NCAPG2: variants seen among roughly 807,000 people sequenced by gnomAD.
The protein encoded by NCAPG2 is condensin-2 complex subunit G2.
A neutral mutation model predicts 141.1 loss-of-function variants in NCAPG2; 53 were observed. The ratio of observed to expected loss-of-function variants is 0.38; its 90% CI spans 0.30 to 0.47. NCAPG2 has a LOEUF of 0.47. NCAPG2 is among the 20% of genes least tolerant of loss of function. The pLI, the probability that NCAPG2 is intolerant of heterozygous loss-of-function variation, is 0.99. For synonymous variants in NCAPG2, 499 were observed against 490.7 expected, an observed-to-expected ratio of 1.02 and a Z score of -0.22; for missense variants, 1,087 against 1,389.0, an observed-to-expected ratio of 0.78 and a Z score of 3.46.
intron 13 of NCAPG2, among the ~76,000 whole-genome samples, chr7:158,670,360 G>C (rs910680800): frequency 1.3e-5 from 2 of 152,188 alleles, no homozygotes; most frequent in Admixed American, 1.3e-4. Flanking sequence ...GAGCCCAGGA[G>C]TTTGAGACCA....
At position 158,690,622 on chromosome 7, in the gene NCAPG2, G is replaced by C; in HGVS notation, c.483C>G (p.Asp161Glu). The change falls in exon 5 of 28, where the codon GAC becomes GAG. Residue 161 changes from aspartate (D) to glutamate (E), a missense_variant. By Grantham distance (45) the Asp-to-Glu change is conservative. Coordinates refer to ENST00000356309, the MANE Select transcript of NCAPG2 (RefSeq NM_017760.7). ...WWEKGLPAKE[D>E]TGKTAFVMLL... ...ACATGACAAAGGCTGTCTTTCCTGTGTCTTCCTTGGCAGGCAGGCCTTTCT... is the reference window on the plus strand; with the variant it reads ...ACATGACAAAGGCTGTCTTTCCTGTCTCTTCCTTGGCAGGCAGGCCTTTCT... 6.2e-7 allele frequency: 1 copy of C among 1,614,132 alleles called. No individual in the cohort carries two copies. Among genetic ancestry groups the C allele is most frequent in the Non-Finnish European group, 8.5e-7 (1 of 1,179,992 alleles).
chr7:158,671,818 G>T, intron 12 of NCAPG2, 152 bp from the exon 13 acceptor site: 1 of 866,340 alleles, frequency 1.2e-6, no homozygotes, highest in Non-Finnish European at 1.7e-6. Context: ...ACTTTTTCTA[G>T]AACTATTTCA....
At chr7:158,639,755 G>T in intron 27 of NCAPG2, 1 of 710,936 alleles carries the variant, frequency 1.4e-6, no homozygotes, top group Non-Finnish European at 1.7e-6. Context: ...GAGCAAAACT[G>T]GTAGAGGTCC....
chr7:158,674,465 C>CT (rs930427885), intron 12 of NCAPG2, among the ~76,000 whole-genome samples: 7 of 151,872 alleles, frequency 4.6e-5, no homozygotes, highest in African/African-American at 1.7e-4. Flanking sequence ...TTTTTTTGTA[C>CT]TTTTTGTAGA....
At position 158,633,022 on chromosome 7, in the gene NCAPG2, T is replaced by A. The variant is rs1829983885; in HGVS notation, c.3381-1305A>T. 6.6e-6 allele frequency among the ~76,000 whole-genome samples: 1 copy of A among 152,230 alleles called. No individual in the cohort carries two copies. The highest frequency in any genetic ancestry group is 2.4e-5 in the African/African-American group (1 of 41,462). ...GAAAAATTTTAAGATTTTCTCTTTATTCCTGGAATTTAGGAATCTTATCCA... is the reference window on the plus strand; with the variant it reads ...GAAAAATTTTAAGATTTTCTCTTTAATCCTGGAATTTAGGAATCTTATCCA... On this transcript the variant is annotated intron_variant, in intron 27 of 27. Coordinates refer to ENST00000356309, the MANE Select transcript of NCAPG2 (RefSeq NM_017760.7). This position sits in a 1 kb window ranked among gnomAD's most constrained non-coding sequence, Gnocchi z 4.1.
intron 2 of NCAPG2, among the ~76,000 whole-genome samples, chr7:158,697,024 G>A (rs1385818195): frequency 1.3e-5 from 2 of 152,232 alleles, no homozygotes; most frequent in Non-Finnish European, 2.9e-5. Flanking sequence ...GGTAATGTTG[G>A]TGTAAACAAA....
In NCAPG2 at chr7:158,656,312, G is replaced by C. The variant is rs765364216; in HGVS notation, c.2336C>G (p.Ser779Cys). 19 of 1,614,084 alleles carry C rather than the reference G, an allele frequency of 1.2e-5. No individual in the cohort carries two copies. Among genetic ancestry groups the C allele is most frequent in the Non-Finnish European group, 1.6e-5 (19 of 1,180,044 alleles). The change falls in exon 19 of 28, where the codon TCT becomes TGT. Residue 779 changes from serine (S) to cysteine (C), a missense_variant. Transcript: ENST00000356309. ...ATGGTTAAGTTTCTTCCGAGGAGCAGAGAGCAAGCACTCGCGGTTCTTTGG... is the reference window on the plus strand; with the variant it reads ...ATGGTTAAGTTTCTTCCGAGGAGCACAGAGCAAGCACTCGCGGTTCTTTGG... ...THPKNRECLL[S>C]APRKKLNHLL...
At chr7:158,660,384 G>T (rs1296747639) in intron 16 of NCAPG2, among the ~76,000 whole-genome samples, 2 of 136,064 alleles carry the variant, frequency 1.5e-5, no homozygotes, top group African/African-American at 5.7e-5. Context: ...TCAGTCCCAG[G>T]TCATTATTTC....
At chr7:158,656,842 T>G (rs912233071) in intron 17 of NCAPG2, 137 bp from the exon 18 acceptor site, 95 of 1,015,596 alleles carry the variant, frequency 9.4e-5, no homozygotes, top group South Asian at 4.1e-4. Context: ...TTCCATGCTC[T>G]CCAATGCAGG....
rs986034189 is a variant in NCAPG2, at chr7:158,664,566, T to C, written c.1664A>G (p.Tyr555Cys). 7 of 1,614,164 alleles carry C rather than the reference T, an allele frequency of 4.3e-6. No homozygotes were observed. The highest frequency in any genetic ancestry group is 5.1e-6 in the Non-Finnish European group (6 of 1,180,032). Residue 555 changes from tyrosine to cysteine, a missense_variant, in exon 14 of 28, where the codon TAT becomes TGT. By Grantham distance (194) the Tyr-to-Cys change is radical (BLOSUM62 -2). Transcript: ENST00000356309. Reference protein sequence around the residue: ...QMNHAAARRFYQYAHEHTACT... With the variant: ...QMNHAAARRFCQYAHEHTACT... ...GGCGGTGTGTTCGTGGGCGTACTGA[T>C]AGAACCTCCTGGCAGCGGCGTGGTT... is the stretch of plus-strand genomic sequence containing the variant.
intron 2 of NCAPG2, among the ~76,000 whole-genome samples, chr7:158,699,778 C>T (rs1381358453): frequency 6.6e-6 from 1 of 152,138 alleles, no homozygotes; most frequent in Non-Finnish European, 1.5e-5. Flanking sequence ...AGGTAAAGTG[C>T]CATGCTTACT....
chr7:158,656,120 C>A (rs1831953389), intron 19 of NCAPG2, 140 bp downstream of exon 19: 6 of 1,138,492 alleles, frequency 5.3e-6, no homozygotes, highest in South Asian at 1.6e-5. Context: ...CTTGTACCAA[C>A]TGAATGAGGT....
At chr7:158,666,539 A>G (rs1303800246) in intron 13 of NCAPG2, among the ~76,000 whole-genome samples, 1 of 151,524 alleles carries the variant, frequency 6.6e-6, no homozygotes, top group African/African-American at 2.4e-5. Context: ...GTACAAGATC[A>G]TAGCACTTTT....
At chr7:158,632,333 A>T (rs931665360) in intron 27 of NCAPG2, among the ~76,000 whole-genome samples, 7 of 152,132 alleles carry the variant, frequency 4.6e-5, no homozygotes, top group Admixed American at 4.6e-4. Flanking sequence ...CTATTTTAAG[A>T]ATCATTATTA....
chr7:158,667,401 C>T (rs1256279611), intron 13 of NCAPG2, among the ~76,000 whole-genome samples: 2 of 86,528 alleles, frequency 2.3e-5, no homozygotes, highest in South Asian at 4.5e-4. Flanking sequence ...TGGGTCCCTC[C>T]GCCCTCCTTA....
chr7:158,689,957 G>C lies in NCAPG2; in HGVS notation c.538-4C>G, dbSNP rs1359924264. 2.0e-6 allele frequency: 3 copies of C among 1,502,298 alleles called. No homozygotes were observed. Among genetic ancestry groups the C allele is most frequent in the Non-Finnish European group, 1.8e-6 (2 of 1,129,654 alleles). The allele number at this position is 1,502,298 out of a possible 1,614,324, so 93.1% of individuals were successfully genotyped here. A position where few individuals can be genotyped will look rare whatever the true frequency, so the allele number is the denominator to read the frequency against. ...AAAGCCGACATACGTCTGCACCCTA[G>C]GAATGACACAAAAAATGTGATACCT... On this transcript the variant is annotated splice_polypyrimidine_tract_variant and splice_region_variant and intron_variant, in intron 5 of 27. Coordinates refer to ENST00000356309, the MANE Select transcript of NCAPG2 (RefSeq NM_017760.7).
chr7:158,702,797 AAAAAT>A (rs1281223902), intron 1 of NCAPG2, among the ~76,000 whole-genome samples: 1 of 152,214 alleles, frequency 6.6e-6, no homozygotes, highest in Non-Finnish European at 1.5e-5. Flanking sequence ...TGAACAAAGC[AAAAAT>A]AACCTCAGTT....
At chr7:158,690,946 C>T (rs1233853386) in intron 4 of NCAPG2, among the ~76,000 whole-genome samples, 1 of 152,126 alleles carries the variant, frequency 6.6e-6, no homozygotes, top group East Asian at 1.9e-4. Context: ...CCTCAACAGA[C>T]ATAATAGAAA....
intron 1 of NCAPG2, among the ~76,000 whole-genome samples, chr7:158,702,645 T>C (rs2129469912): frequency 6.6e-6 from 1 of 152,328 alleles, no homozygotes; most frequent in South Asian, 2.1e-4. Context: ...GGAACACATT[T>C]GCAGTAGGAG....
Sources: allele counts gnomAD v4.1 joint callset (sites outside exome capture counted in the v4.1 genomes callset), GRCh38; gene constraint gnomAD v4.1.1; non-coding constraint Gnocchi (gnomAD v3.1); transcripts MANE v1.5; gene names NCBI Gene and HGNC (gene_info 2026-07-23, HGNC 2026-07-21).